Variants in RASGRP4 observed in about 807,000 individuals in gnomAD.
RASGRP4 encodes RAS guanyl-releasing protein 4.
RASGRP4 carries 52 observed loss-of-function variants against 84.4 expected under a neutral mutation model. The ratio of observed to expected loss-of-function variants is 0.62; its 90% CI spans 0.49 to 0.78. The LOEUF (loss-of-function observed/expected upper bound fraction) is 0.78. Among genes scored for constraint, RASGRP4 ranks in the 30% least tolerant of loss-of-function variants. RASGRP4 has a pLI of 0.00. For synonymous variants in RASGRP4, 356 were observed against 359.1 expected (o/e 0.99, Z 0.10); for missense variants, 760 against 886.9 (o/e 0.86, Z 1.82).
chr19:38,413,142 A>C lies in RASGRP4; in HGVS notation c.1416+51T>G. 6.3e-7 allele frequency: 1 copy of C among 1,585,900 alleles called. No homozygotes were observed. The highest frequency in any genetic ancestry group is 8.7e-7 in the Non-Finnish European group (1 of 1,154,978). On this transcript the variant is annotated intron_variant, in intron 11 of 16. Coordinates refer to ENST00000615439, the MANE Select transcript of RASGRP4 (RefSeq NM_170604.3). This position sits in a 1 kb window ranked among gnomAD's most constrained non-coding sequence, Gnocchi z 4.7. ...CCCACCTCCAGGCTCAGGGTTCTAC[A>C]GATGTCTTCCCTCCTGGCTGCTGGC...
chr19:38,416,957 AC>A, intron 8 of RASGRP4, 94 bp downstream of exon 8: 1 of 743,300 alleles, frequency 1.3e-6, no homozygotes, highest in Non-Finnish European at 2.4e-6. Context: ...TGGTACCAGG[AC>A]CCCTGGGCAG....
intron 8 of RASGRP4, 108 bp downstream of exon 8, chr19:38,416,944 A>C: frequency 2.9e-6 from 2 of 696,450 alleles, no homozygotes; most frequent in Admixed American, 4.3e-5. Context: ...CAAGGACTTC[A>C]TGTGGTACCA....
Position 38,417,128 on chromosome 19 carries a change from A to G in RASGRP4, c.878T>C (p.Val293Ala). 6.4e-7 allele frequency: 1 copy of G among 1,564,104 alleles called. No individual in the cohort carries two copies. The highest frequency in any genetic ancestry group is 2.4e-5 in the East Asian group (1 of 41,944). Residue 293 changes from valine to alanine, a missense_variant, in exon 8 of 17, where the codon GTC becomes GCC. Transcript: ENST00000615439. This position sits in a 1 kb window ranked among gnomAD's most constrained non-coding sequence, Gnocchi z 5.1. ...QLQNFNTLMA[V>A]TGGLCHSAIS... The stretch of plus-strand genomic sequence containing the variant: ...GGCACTGTGACACAGGCCCCCTGTG[A>G]CTGCCATCAGCGTGTTGAAATTCTG...
At chr19:38,421,274 G>A (rs1004228190) in intron 2 of RASGRP4, 74 bp from the exon 3 acceptor site, 28 of 1,098,078 alleles carry the variant, frequency 2.5e-5, no homozygotes, top group Non-Finnish European at 3.2e-5. Context: ...AGATCCTGCC[G>A]GACCACCTGG....
intron 15 of RASGRP4, 46 bp downstream of exon 15, chr19:38,411,069 C>G (rs753110224): frequency 6.2e-7 from 1 of 1,609,570 alleles, no homozygotes; most frequent in South Asian, 1.1e-5. Flanking sequence ...GACTCAACCC[C>G]TTTCCCCCAG....
In RASGRP4 at chr19:38,412,855, A is replaced by G. The variant is rs371837056; in HGVS notation, c.1536-39T>C. ...CTGAGCCTCAGCATGACCTGCCCCA[A>G]CGTCCTCCAGACCCAGGAGTCCAGG... On this transcript the variant is annotated intron_variant, in intron 12 of 16. Coordinates refer to ENST00000615439, the MANE Select transcript of RASGRP4 (RefSeq NM_170604.3). This position sits in a 1 kb window ranked among gnomAD's most constrained non-coding sequence, Gnocchi z 4.6. The G allele has an allele frequency of 5.7e-4, 913 of 1,612,086 alleles. 1 individual carries two copies. The highest frequency in any genetic ancestry group is 7.2e-4 in the Non-Finnish European group (844 of 1,178,690).
rs752800584 is a variant in RASGRP4, at chr19:38,426,117, G to T, written c.-26C>A. On this transcript the variant is annotated 5_prime_UTR_variant, in exon 1 of 17. Transcript: ENST00000615439. ...GCTTCCCGCGTGGGGTGAGGAGGCC[G>T]GGGGTCTTGCAAGAGTAGGGCTCAG... 1 of 1,319,314 alleles carries T rather than the reference G, an allele frequency of 7.6e-7. No homozygotes were observed. The highest frequency in any genetic ancestry group is 2.8e-5 in the South Asian group (1 of 35,960). The allele number at this position is 1,319,314 out of a possible 1,614,324, so 81.7% of individuals were successfully genotyped here. A position where few individuals can be genotyped will look rare whatever the true frequency, so the allele number is the denominator to read the frequency against.
At position 38,417,121 on chromosome 19, in the gene RASGRP4, C is replaced by A. The variant is rs374303562; in HGVS notation, c.885G>T (p.Gly295=). The part of the protein sequence containing the change: ...QNFNTLMAVT[G]GLCHSAISRL... ...TGGAGATGGCACTGTGACACAGGCC[C>A]CCTGTGACTGCCATCAGCGTGTTGA... is the stretch of plus-strand genomic sequence containing the variant. Residue 295 remains glycine, a synonymous_variant, in exon 8 of 17, where the codon GGG becomes GGT. Transcript: ENST00000615439. The surrounding 1 kb of genome is among the most constrained non-coding windows in gnomAD (Gnocchi z 5.1). 52 of 1,564,680 alleles carry A rather than the reference C, an allele frequency of 3.3e-5. No homozygotes were observed. In the African/African-American group the frequency reaches 6.4e-4, roughly 19 times the overall value.
In RASGRP4 at chr19:38,410,124, T is replaced by G. The variant is rs767723934; in HGVS notation, c.1966-28A>C. 6.9e-6 allele frequency: 11 copies of G among 1,587,070 alleles called. No homozygotes were observed. The Admixed American group carries it at 1.9e-4, about 27-fold the overall frequency. On this transcript the variant is annotated intron_variant, in intron 16 of 16. Transcript: ENST00000615439. The stretch of plus-strand genomic sequence containing the variant: ...GGAAGGAGGAAGGGAGGAAGAAAGA[T>G]GACAGATGATGTGGGGAGCATATGA...
At position 38,418,921 on chromosome 19, in the gene RASGRP4, C is replaced by T. The variant is rs535673055; in HGVS notation, c.664-357G>A. Among the ~76,000 whole-genome samples the T allele has an allele frequency of 2.6e-5, 4 of 152,084 alleles. No homozygotes were observed. Among genetic ancestry groups the T allele is most frequent in the East Asian group, 1.9e-4 (1 of 5,176 alleles). On this transcript the variant is annotated intron_variant, in intron 6 of 16. Coordinates refer to ENST00000615439, the MANE Select transcript of RASGRP4 (RefSeq NM_170604.3). The surrounding 1 kb of genome is among the most constrained non-coding windows in gnomAD (Gnocchi z 4.6). ...TCACACAGGTGTGAGTCAGGGTGGG[C>T]GTCTATATGCTCTTAACTGTACACC...
At chr19:38,424,951 C>T (rs1020340496) in intron 1 of RASGRP4, among the ~76,000 whole-genome samples, 1 of 151,854 alleles carries the variant, frequency 6.6e-6, no homozygotes, top group Non-Finnish European at 1.5e-5. Flanking sequence ...TTTGGGAGGC[C>T]GAGGTGGGTG....
chr19:38,416,040 T>C (rs1445658704), intron 8 of RASGRP4, among the ~76,000 whole-genome samples: 2 of 148,632 alleles, frequency 1.3e-5, no homozygotes, highest in South Asian at 2.2e-4. Context: ...GCCTGGGAGA[T>C]AGAGTGAGAC....
In RASGRP4 at chr19:38,412,329, C is replaced by T; in HGVS notation, c.1680+343G>A. The T allele has an allele frequency of 3.6e-6, 1 of 279,116 alleles. No homozygotes were observed. The highest frequency in any genetic ancestry group is 9.0e-5 in the East Asian group (1 of 11,124). The allele number at this position is 279,116 out of a possible 1,614,324, so 17.3% of individuals were successfully genotyped here. On this transcript the variant is annotated intron_variant, in intron 13 of 16. Transcript: ENST00000615439. The surrounding 1 kb of genome is among the most constrained non-coding windows in gnomAD (Gnocchi z 4.6). ...GACGGGGTCTCTCTTGCTATGTTCC[C>T]TAGGCTGGTCTTGAACTCTTGAGCT...
At position 38,415,074 on chromosome 19, in the gene RASGRP4, C is replaced by T. The variant is rs1208570686; in HGVS notation, c.1004G>A (p.Arg335His). 36 of 1,601,986 alleles carry T rather than the reference C, an allele frequency of 2.2e-5. No homozygotes were observed. The highest frequency in any genetic ancestry group is 2.5e-5 in the Non-Finnish European group (29 of 1,174,704). ...ELLASHNNYA[R>H]YRRTWAGCAG... is the part of the protein sequence containing the mutation. ...GCAGCCAGCCCAGGTGCGGCGGTAGCGGGCGTAGTTGTTGTGGGAGGCAAG... is the reference window on the plus strand; with the variant it reads ...GCAGCCAGCCCAGGTGCGGCGGTAGTGGGCGTAGTTGTTGTGGGAGGCAAG... Residue 335 changes from arginine (R) to histidine (H), a missense_variant, in exon 9 of 17, where the codon CGC becomes CAC. Physicochemically the swap from Arg to His is conservative, Grantham distance 29. Coordinates refer to ENST00000615439, the MANE Select transcript of RASGRP4 (RefSeq NM_170604.3).
At chr19:38,420,681 TG>T (rs1419629841) in intron 4 of RASGRP4, among the ~76,000 whole-genome samples, 1 of 133,972 alleles carries the variant, frequency 7.5e-6, no homozygotes, top group African/African-American at 2.9e-5. Flanking sequence ...GGAGGGTCTA[TG>T]GGATCTGGTT....
intron 16 of RASGRP4, 109 bp from the exon 17 acceptor site, chr19:38,410,205 A>G: frequency 1.3e-6 from 1 of 777,906 alleles, no homozygotes. Context: ...TGGTAAGTGG[A>G]TGAATGAACG....
intron 1 of RASGRP4, among the ~76,000 whole-genome samples, chr19:38,422,937 C>T (rs1483999959): frequency 6.6e-6 from 1 of 152,018 alleles, no homozygotes; most frequent in Non-Finnish European, 1.5e-5. Context: ...CAGGGAATCA[C>T]AGTAGAAGAC....
intron 1 of RASGRP4, 53 bp downstream of exon 1, chr19:38,426,016 T>C: frequency 2.3e-6 from 3 of 1,325,746 alleles, no homozygotes; most frequent in South Asian, 2.0e-5. Context: ...AGCCCTCCCA[T>C]GCAGAGGGAG....
At chr19:38,415,722 T>C (rs979122583) in intron 8 of RASGRP4, among the ~76,000 whole-genome samples, 31 of 152,008 alleles carry the variant, frequency 2.0e-4, no homozygotes, top group Non-Finnish European at 1.2e-4. Context: ...TCACCCAGGC[T>C]GGAGTACAGT....
Sources: allele counts gnomAD v4.1 joint callset (sites outside exome capture counted in the v4.1 genomes callset), GRCh38; gene constraint gnomAD v4.1.1; non-coding constraint Gnocchi (gnomAD v3.1); transcripts MANE v1.5; gene names NCBI Gene and HGNC (gene_info 2026-07-23, HGNC 2026-07-21).